CD47: variants seen among roughly 807,000 people sequenced by gnomAD.
CD47 encodes CD47 molecule, also known as leukocyte surface antigen CD47.
Under a neutral mutation model 44.6 loss-of-function variants are expected in CD47, and 11 were observed. That is an observed-to-expected ratio of 0.25 (90% CI 0.16 to 0.41). The LOEUF (loss-of-function observed/expected upper bound fraction) is 0.41, where lower values mean the gene tolerates loss of function less well. Ranked by LOEUF, CD47 falls within the 10% of genes least tolerant of loss-of-function variation. The pLI, the probability that CD47 is intolerant of heterozygous loss-of-function variation, is 1.00. For synonymous variants in CD47, 140 were observed against 136.3 expected (o/e 1.03, Z -0.19); for missense variants, 306 against 386.7 (o/e 0.79, Z 1.75).
At chr3:108,051,614 A>T (rs2078829785) in intron 8 of CD47, 1 of 460,842 alleles carries the variant, frequency 2.2e-6, no homozygotes, top group African/African-American at 2.0e-5. Flanking sequence ...ACATCCAATG[A>T]ATCCAACAGG....
chr3:108,053,360 C>T (rs2078861522), intron 7 of CD47: 1 of 152,196 alleles, frequency 6.6e-6, no homozygotes, highest in Non-Finnish European at 1.5e-5. Context: ...TGCCACTGGA[C>T]TCTAAGAAGA....
chr3:108,072,029 C>T (rs1003484463), intron 2 of CD47, among the ~76,000 whole-genome samples: 3 of 152,082 alleles, frequency 2.0e-5, no homozygotes. Context: ...TCCACATATC[C>T]TATATAAAGG....
At chr3:108,074,901 GA>G (rs532728833) in intron 2 of CD47, among the ~76,000 whole-genome samples, 8 of 152,088 alleles carry the variant, frequency 5.3e-5, no homozygotes, top group East Asian at 1.9e-4. Flanking sequence ...GATGCTGGGG[GA>G]AAAAAACCAA....
In CD47 at chr3:108,067,190, G is replaced by A. The variant is rs748301319; in HGVS notation, c.490+3903C>T. ...TTACTATTTTTCATTTCCCAATGCC[G>A]TTGTTATTGATAATAACAGAGTTTT... On this transcript the variant is annotated intron_variant, in intron 3 of 10. Coordinates refer to ENST00000361309, the MANE Select transcript of CD47 (RefSeq NM_001777.4). 1.3e-3 allele frequency among the ~76,000 whole-genome samples: 205 copies of A among 152,218 alleles called. 1 individual carries two copies. Among genetic ancestry groups the A allele is most frequent in the Middle Eastern group, 0.01 (3 of 294 alleles).
chr3:108,044,415 C>CAAAAA lies in CD47; in HGVS notation c.*2868_*2872dup, dbSNP rs55777019. Reference sequence around the variant, plus strand: ...GGTTTTTAGAGCATGTGAAATTAGTCAAAAAAAAAAAAAAAAAAAAAAAAA... The same window carrying CAAAAA: ...GGTTTTTAGAGCATGTGAAATTAGTCAAAAAAAAAAAAAAAAAAAAAAAAAAAAAA... On this transcript the variant is annotated 3_prime_UTR_variant, in exon 11 of 11. Coordinates refer to ENST00000361309, the MANE Select transcript of CD47 (RefSeq NM_001777.4). 8 of 34,102 alleles carry CAAAAA rather than the reference C, an allele frequency of 2.3e-4. No individual in the cohort carries two copies. The highest frequency in any genetic ancestry group is 5.7e-4 in the African/African-American group (6 of 10,444). The allele number at this position is 34,102 out of a possible 1,614,324, so 2.1% of individuals were successfully genotyped here.
chr3:108,086,914 T>C (rs186386388), intron 1 of CD47, among the ~76,000 whole-genome samples: 176 of 152,102 alleles, frequency 1.2e-3, no homozygotes, highest in African/African-American at 4.1e-3. Context: ...GTTGGAAAAG[T>C]GAGTAGGTTT....
chr3:108,052,852 A>G (rs987362240), intron 7 of CD47: 7 of 152,438 alleles, frequency 4.6e-5, no homozygotes, highest in African/African-American at 1.7e-4. Flanking sequence ...CTGTAGTCCC[A>G]GCTACGTGGA....
At chr3:108,062,027 A>G (rs2108238384) in intron 3 of CD47, among the ~76,000 whole-genome samples, 1 of 152,308 alleles carries the variant, frequency 6.6e-6, no homozygotes, top group East Asian at 1.9e-4. Context: ...CCCATAATTT[A>G]TAACCTCAAT....
At chr3:108,048,419 C>G (rs972754242) in intron 10 of CD47, among the ~76,000 whole-genome samples, 1 of 113,748 alleles carries the variant, frequency 8.8e-6, no homozygotes, top group Non-Finnish European at 1.7e-5. Context: ...GAGTCTTGCT[C>G]TGTCACCCAG....
At chr3:108,066,949 C>A (rs1409489682) in intron 3 of CD47, among the ~76,000 whole-genome samples, 6 of 152,180 alleles carry the variant, frequency 3.9e-5, no homozygotes, top group South Asian at 2.1e-4. Context: ...TAAAGGAATT[C>A]TTTCATGACA....
chr3:108,055,788 T>C (rs1024705926), intron 7 of CD47, among the ~76,000 whole-genome samples: 3 of 152,150 alleles, frequency 2.0e-5, no homozygotes, highest in Non-Finnish European at 2.9e-5. Context: ...TACAGTACAG[T>C]GGTTTCACAG....
intron 2 of CD47, among the ~76,000 whole-genome samples, chr3:108,079,589 A>AC (rs2079377254): frequency 6.7e-6 from 1 of 149,026 alleles, no homozygotes; most frequent in Non-Finnish European, 1.5e-5. Flanking sequence ...AAAAAAAAAA[A>AC]AAAAAACACA....
chr3:108,066,689 A>AT (rs1334124474), intron 3 of CD47, among the ~76,000 whole-genome samples: 7 of 152,230 alleles, frequency 4.6e-5, no homozygotes, highest in African/African-American at 1.7e-4. Context: ...GAGTAAAGAA[A>AT]TAAAAACTGA....
rs1198525291 is a variant in CD47 at position 108,045,065 on chromosome 3, G to A, written c.*2223C>T. The A allele has an allele frequency of 6.6e-6, 1 of 152,636 alleles. No homozygotes were observed. Among genetic ancestry groups the A allele is most frequent in the Non-Finnish European group, 1.5e-5 (1 of 68,050 alleles). 9.5% of individuals were successfully genotyped at this position (152,636 alleles called of 1,614,324 possible). ...CTGCTTCTGTGGTCACTTATCCAGA[G>A]AAGCTGACAACTAGTGAGAGCAAGA... On this transcript the variant is annotated 3_prime_UTR_variant, in exon 11 of 11. Coordinates refer to ENST00000361309, the MANE Select transcript of CD47 (RefSeq NM_001777.4).
intron 1 of CD47, among the ~76,000 whole-genome samples, chr3:108,087,601 C>T (rs2079547312): frequency 6.6e-6 from 1 of 152,144 alleles, no homozygotes; most frequent in South Asian, 2.1e-4. Context: ...GTAGTATAGG[C>T]TCATACTTGC....
chr3:108,063,272 AAAAATCT>A (rs1233435743), intron 3 of CD47, among the ~76,000 whole-genome samples: 1 of 152,198 alleles, frequency 6.6e-6, no homozygotes, highest in East Asian at 1.9e-4. Flanking sequence ...CCAAGTGTGA[AAAAATCT>A]GAAATCCAAA....
intron 3 of CD47, 147 bp downstream of exon 3, chr3:108,070,946 A>G (rs1033188449): frequency 3.5e-5 from 17 of 483,126 alleles, no homozygotes; most frequent in African/African-American, 3.4e-4. Context: ...ATATACTTCA[A>G]GGAGACTAGT....
intron 1 of CD47, among the ~76,000 whole-genome samples, chr3:108,088,015 T>C (rs941542562): frequency 6.6e-6 from 1 of 152,176 alleles, no homozygotes; most frequent in Non-Finnish European, 1.5e-5. Context: ...GTATACAAAG[T>C]GAAAGTAACT....
intron 3 of CD47, among the ~76,000 whole-genome samples, chr3:108,070,723 G>A (rs765692242): frequency 1.3e-5 from 2 of 152,086 alleles, no homozygotes; most frequent in Admixed American, 6.6e-5. Context: ...AAAGTATAAC[G>A]TCCTACCTTA....
Sources: gnomAD v4.1 joint callset for allele counts (sites outside exome capture counted in the v4.1 genomes callset) on GRCh38, gnomAD v4.1.1 for gene constraint, MANE v1.5 for transcripts, NCBI Gene and HGNC (gene_info 2026-07-23, HGNC 2026-07-21) for gene names.